The following KCNS3 variants were observed in gnomAD, a reference collection of about 807,000 sequenced individuals.
KCNS3 encodes delayed-rectifier potassium channel regulatory subunit KCNS3.
Under a neutral mutation model 31.0 loss-of-function variants are expected in KCNS3, and 13 were observed. The observed-to-expected ratio is 0.42, with a 90% CI of 0.27 to 0.67. The LOEUF is 0.67. Ranked by LOEUF, KCNS3 falls within the 30% of genes least tolerant of loss-of-function variation. KCNS3 has a pLI of 0.25. For synonymous variants in KCNS3, 238 were observed against 241.5 expected, an observed-to-expected ratio of 0.99 and a Z score of 0.13; for missense variants, 545 against 622.4, an observed-to-expected ratio of 0.88 and a Z score of 1.32.
At chr2:17,890,085 C>T (rs1661809670) in intron 1 of KCNS3, among the ~76,000 whole-genome samples, 1 of 152,018 alleles carries the variant, frequency 6.6e-6, no homozygotes, top group African/African-American at 2.4e-5. Flanking sequence ...TTAAAAATTA[C>T]CATTTCAATC....
chr2:17,913,632 G>C (rs911233096), intron 1 of KCNS3, among the ~76,000 whole-genome samples: 13 of 152,208 alleles, frequency 8.5e-5, no homozygotes, highest in African/African-American at 3.1e-4. Context: ...AGTGTTGGGA[G>C]GGTATCCCCA....
At chr2:17,909,173 C>A (rs997908395) in intron 1 of KCNS3, among the ~76,000 whole-genome samples, 11 of 152,342 alleles carry the variant, frequency 7.2e-5, no homozygotes, top group African/African-American at 2.6e-4. Context: ...GCCCCTCCCC[C>A]AGCCTCGCTG....
rs766131829 is a variant in KCNS3 at position 17,931,576 on chromosome 2, T to A, written c.568T>A (p.Ser190Thr). 6.2e-7 allele frequency: 1 copy of A among 1,614,158 alleles called. No individual in the cohort carries two copies. The highest frequency in any genetic ancestry group is 1.7e-5 in the Admixed American group (1 of 60,026). The change falls in exon 3 of 3, where the codon TCC becomes ACC. Residue 190 changes from serine (S) to threonine (T), a missense_variant. Transcript: ENST00000304101. The surrounding 1 kb of genome is among the most constrained non-coding windows in gnomAD (Gnocchi z 5.4). ...CCTGTCCGCTAAGCTTATCGCTATCTCCTCCTTGAGCGTGGTGCTGGCCTC... is the reference window on the plus strand; with the variant it reads ...CCTGTCCGCTAAGCTTATCGCTATCACCTCCTTGAGCGTGGTGCTGGCCTC... ...YCLSAKLIAI[S>T]SLSVVLASIV...
intron 1 of KCNS3, among the ~76,000 whole-genome samples, chr2:17,900,698 C>T (rs1044949125): frequency 1.3e-5 from 2 of 151,970 alleles, no homozygotes; most frequent in African/African-American, 4.8e-5. Flanking sequence ...CCATGTTGGC[C>T]AGGCTGGTTT....
chr2:17,931,501 G>C lies in KCNS3; in HGVS notation c.493G>C (p.Gly165Arg), dbSNP rs758284632. The stretch of plus-strand genomic sequence containing the variant: ...GGAGAAGTTTGACACACTGCGATTT[G>C]GTCAGCTCCGGAAGAAAATCTGGAT... The part of the protein sequence containing the change: ...ELEKFDTLRF[G>R]QLRKKIWIRM... The change falls in exon 3 of 3, where the codon GGT becomes CGT. Residue 165 changes from glycine (G) to arginine (R), a missense_variant. Coordinates refer to ENST00000304101, the MANE Select transcript of KCNS3 (RefSeq NM_002252.5). This position sits in a 1 kb window ranked among gnomAD's most constrained non-coding sequence, Gnocchi z 5.4. 5 of 1,614,176 alleles carry C rather than the reference G, an allele frequency of 3.1e-6. No individual in the cohort carries two copies. Among genetic ancestry groups the C allele is most frequent in the Non-Finnish European group, 4.2e-6 (5 of 1,180,028 alleles).
intron 2 of KCNS3, among the ~76,000 whole-genome samples, chr2:17,923,378 T>C (rs1468610877): frequency 6.6e-6 from 1 of 152,184 alleles, no homozygotes; most frequent in East Asian, 1.9e-4. Flanking sequence ...ATCAGATATA[T>C]GATTTGCAAA....
intron 2 of KCNS3, among the ~76,000 whole-genome samples, chr2:17,918,624 G>A (rs1290877609): frequency 6.6e-6 from 1 of 152,184 alleles, no homozygotes; most frequent in Non-Finnish European, 1.5e-5. Context: ...AATTCCTCCA[G>A]ATAAAAGCAA....
intron 1 of KCNS3, among the ~76,000 whole-genome samples, chr2:17,913,929 C>A (rs1161847310): frequency 6.6e-6 from 1 of 152,144 alleles, no homozygotes; most frequent in Non-Finnish European, 1.5e-5. Flanking sequence ...GAAAGAATTA[C>A]CTGACCCCAC....
chr2:17,892,291 T>C (rs11695907), intron 1 of KCNS3, among the ~76,000 whole-genome samples: 29,952 of 151,848 alleles, frequency 0.2, 3,805 homozygotes, highest in Non-Finnish European at 0.29. Context: ...ATTGTTTTTT[T>C]TTTAAGCTAT....
chr2:17,931,000 G>A lies in KCNS3; in HGVS notation c.-9G>A. 1.9e-6 allele frequency: 3 copies of A among 1,610,172 alleles called. No homozygotes were observed. Among genetic ancestry groups the A allele is most frequent in the South Asian group, 2.2e-5 (2 of 90,550 alleles). On this transcript the variant is annotated 5_prime_UTR_variant, in exon 3 of 3. Coordinates refer to ENST00000304101, the MANE Select transcript of KCNS3 (RefSeq NM_002252.5). Reference sequence around the variant, plus strand: ...CTTGCCAGCCAGCACTCTGCCTTCTGTATCCACCATGGTGTTTGGTGAGTT... The same window carrying A: ...CTTGCCAGCCAGCACTCTGCCTTCTATATCCACCATGGTGTTTGGTGAGTT...
At chr2:17,907,765 C>T (rs10166838) in intron 1 of KCNS3, among the ~76,000 whole-genome samples, 139,466 of 152,210 alleles carry the variant, frequency 0.92, 64,074 homozygotes, top group East Asian at 0.99. Context: ...AATTCTTTTC[C>T]TTAAGAATGT....
intron 1 of KCNS3, among the ~76,000 whole-genome samples, chr2:17,882,687 T>G (rs779038621): frequency 2.0e-5 from 3 of 152,198 alleles, no homozygotes; most frequent in Non-Finnish European, 2.9e-5. Context: ...TGTTTTATTG[T>G]TTCAGGGGCC....
rs143493801 is a variant in KCNS3, at chr2:17,882,595, A to T, written c.-252+3789A>T. Among the ~76,000 whole-genome samples, 35 of 152,168 alleles carry T rather than the reference A, an allele frequency of 2.3e-4. No homozygotes were observed. In the Middle Eastern group the frequency reaches 0.014, roughly 59 times the overall value. ...ACCTGGCCTTTGCTTGCTGGTCTTG[A>T]CTACTGTGGGTGCTTATTGGAGGCA... is the stretch of plus-strand genomic sequence containing the variant. On this transcript the variant is annotated intron_variant, in intron 1 of 2. Transcript: ENST00000304101.
chr2:17,907,347 G>A (rs1662347611), intron 1 of KCNS3, among the ~76,000 whole-genome samples: 2 of 152,134 alleles, frequency 1.3e-5, no homozygotes, highest in Non-Finnish European at 2.9e-5. Context: ...TTGAGCCTAT[G>A]TGTGTCTCTG....
chr2:17,924,253 A>G (rs1662784891), intron 2 of KCNS3, among the ~76,000 whole-genome samples: 2 of 151,886 alleles, frequency 1.3e-5, no homozygotes, highest in South Asian at 2.1e-4. Flanking sequence ...ATTTTTTTGT[A>G]TATCTATTCC....
At chr2:17,899,089 G>T (rs1174344530) in intron 1 of KCNS3, among the ~76,000 whole-genome samples, 1 of 152,096 alleles carries the variant, frequency 6.6e-6, no homozygotes, top group African/African-American at 2.4e-5. Flanking sequence ...AGCTGGGTGT[G>T]ATGGAGCACA....
rs1418450436 is a variant in KCNS3, at chr2:17,884,262, AAAAAAAATATATAT to A, written c.-252+5458_-252+5471del. 1.5e-3 allele frequency among the ~76,000 whole-genome samples: 80 copies of A among 51,756 alleles called. 1 individual carries two copies. In the East Asian group the frequency reaches 0.017, roughly 11 times the overall value. 34.0% of individuals were successfully genotyped at this position (51,756 alleles called of 152,430 possible). On this transcript the variant is annotated intron_variant, in intron 1 of 2. Coordinates refer to ENST00000304101, the MANE Select transcript of KCNS3 (RefSeq NM_002252.5). ...CTAGAACTTAAAGTATAATTAAAAA[AAAAAAAATATATAT>A]ATATATATATATATATATATATATA...
At chr2:17,907,016 T>A (rs1326975646) in intron 1 of KCNS3, among the ~76,000 whole-genome samples, 1 of 152,202 alleles carries the variant, frequency 6.6e-6, no homozygotes, top group African/African-American at 2.4e-5. Context: ...GATATCCTTG[T>A]TAACTTTCTG....
At chr2:17,899,563 C>T (rs569066827) in intron 1 of KCNS3, among the ~76,000 whole-genome samples, 1 of 152,328 alleles carries the variant, frequency 6.6e-6, no homozygotes, top group East Asian at 1.9e-4. Flanking sequence ...CTTAGCTCCA[C>T]TTCTTTTTGG....
Sources: gnomAD v4.1 joint callset for allele counts (sites outside exome capture counted in the v4.1 genomes callset) on GRCh38, gnomAD v4.1.1 for gene constraint, Gnocchi (gnomAD v3.1) non-coding constraint, MANE v1.5 for transcripts, NCBI Gene and HGNC (gene_info 2026-07-23, HGNC 2026-07-21) for gene names.